The following FMNL3 variants were observed in gnomAD, a reference collection of about 807,000 sequenced individuals.
The protein encoded by FMNL3 is formin-like protein 3.
A neutral mutation model predicts 119.6 loss-of-function variants in FMNL3; 57 were observed. That is an observed-to-expected ratio of 0.48 (90% CI 0.39 to 0.59). The LOEUF is 0.59. Ranked by LOEUF, FMNL3 falls within the 20% of genes least tolerant of loss-of-function variation. The probability of loss-of-function intolerance (pLI) is 0.00; values close to 1 mark genes in which losing one functional copy is unlikely to be tolerated. For missense variants in FMNL3, 1,053 were observed against 1,323.5 expected (o/e 0.80, Z 3.17); for synonymous variants, 491 against 507.3 (o/e 0.97, Z 0.43).
intron 25 of FMNL3, 66 bp downstream of exon 25, chr12:49,646,820 G>A: frequency 1.2e-6 from 2 of 1,607,918 alleles, no homozygotes; most frequent in Non-Finnish European, 1.7e-6. Context: ...AGAGCCCAAA[G>A]GGGTTAGGTT....
intron 25 of FMNL3, among the ~76,000 whole-genome samples, chr12:49,646,284 A>G (rs1312219631): frequency 9.8e-5 from 15 of 152,296 alleles, no homozygotes; most frequent in African/African-American, 3.6e-4. Flanking sequence ...AACCGTAGGG[A>G]AAGGTTCCTT....
Position 49,647,220 on chromosome 12 carries a change from A to G in FMNL3, c.2871+56T>C. Reference sequence around the variant, plus strand: ...CATCTCCTCTAGCCTTCTGACCCCCAGCCCCCACTCTTTTGCCTTGTCGTC... The same window carrying G: ...CATCTCCTCTAGCCTTCTGACCCCCGGCCCCCACTCTTTTGCCTTGTCGTC... On this transcript the variant is annotated intron_variant, in intron 24 of 25. Coordinates refer to ENST00000335154, the MANE Select transcript of FMNL3 (RefSeq NM_175736.5). This position sits in a 1 kb window ranked among gnomAD's most constrained non-coding sequence, Gnocchi z 4.9. 6.2e-7 allele frequency: 1 copy of G among 1,601,308 alleles called. No individual in the cohort carries two copies. Among genetic ancestry groups the G allele is most frequent in the Non-Finnish European group, 8.6e-7 (1 of 1,169,264 alleles).
intron 1 of FMNL3, among the ~76,000 whole-genome samples, chr12:49,689,585 A>G (rs2138993824): frequency 6.6e-6 from 1 of 152,364 alleles, no homozygotes; most frequent in Non-Finnish European, 1.5e-5. Context: ...AAAAGTAAGA[A>G]GCACAACTGT....
At position 49,647,366 on chromosome 12, in the gene FMNL3, T is replaced by C. The variant is rs1479317621; in HGVS notation, c.2781A>G (p.Glu927=). 2.5e-6 allele frequency: 4 copies of C among 1,611,852 alleles called. No individual in the cohort carries two copies. In the Admixed American group the frequency reaches 6.7e-5, roughly 27 times the overall value. ...VFVRFIRSYK[E]AEQENEARKK... Reference sequence around the variant, plus strand: ...TGCGGGCTTCATTCTCTTGTTCTGCTTCCTAAGAGCCATGGAAGATGGGGG... The same window carrying C: ...TGCGGGCTTCATTCTCTTGTTCTGCCTCCTAAGAGCCATGGAAGATGGGGG... The change falls in exon 24 of 26, where the codon GAA becomes GAG. Residue 927 remains glutamate, a splice_region_variant and synonymous_variant. Transcript: ENST00000335154. The surrounding 1 kb of genome is among the most constrained non-coding windows in gnomAD (Gnocchi z 4.9).
At chr12:49,674,244 C>T (rs939165440) in intron 1 of FMNL3, among the ~76,000 whole-genome samples, 2 of 152,184 alleles carry the variant, frequency 1.3e-5, no homozygotes, top group Admixed American at 1.3e-4. Flanking sequence ...ATGAAAGGTT[C>T]TGGGCAAAGA....
chr12:49,657,266 G>T, intron 6 of FMNL3, 76 bp from the exon 7 acceptor site: 1 of 1,170,490 alleles, frequency 8.5e-7, no homozygotes, highest in Non-Finnish European at 1.3e-6. Context: ...ACCATCACCC[G>T]GACAGCAGGC....
intron 1 of FMNL3, among the ~76,000 whole-genome samples, chr12:49,675,401 T>A (rs1944159001): frequency 6.6e-6 from 1 of 151,868 alleles, no homozygotes; most frequent in African/African-American, 2.4e-5. Flanking sequence ...AGCCAAGGAG[T>A]CTTGGGGCAG....
At chr12:49,701,676 C>T (rs7299002) in intron 1 of FMNL3, among the ~76,000 whole-genome samples, 28,362 of 152,070 alleles carry the variant, frequency 0.19, 4,030 homozygotes, top group African/African-American at 0.41. Flanking sequence ...AATCCCAGCA[C>T]TTTGGGAGGC....
chr12:49,642,361 G>A lies in FMNL3; in HGVS notation c.*3454C>T, dbSNP rs1217941269. 5 of 1,613,724 alleles carry A rather than the reference G, an allele frequency of 3.1e-6. No homozygotes were observed. The highest frequency in any genetic ancestry group is 1.3e-5 in the African/African-American group (1 of 74,940). ...TGTGCCTGCTCTGGAGCTAGGCACT[G>A]CCTGGGAAGAGGTCAGGAGCGTAGC... is the stretch of plus-strand genomic sequence containing the variant. On this transcript the variant is annotated 3_prime_UTR_variant, in exon 26 of 26. Coordinates refer to ENST00000335154, the MANE Select transcript of FMNL3 (RefSeq NM_175736.5). The surrounding 1 kb of genome is among the most constrained non-coding windows in gnomAD (Gnocchi z 5.8).
Position 49,650,656 on chromosome 12 carries a change from C to T in FMNL3, c.2000+20G>A. On this transcript the variant is annotated intron_variant, in intron 17 of 25. Coordinates refer to ENST00000335154, the MANE Select transcript of FMNL3 (RefSeq NM_175736.5). Reference sequence around the variant, plus strand: ...TTGCCAACAGACTAGGGACCAGAGCCAGGTCAGTGGGAGCCTCACGTATGA... The same window carrying T: ...TTGCCAACAGACTAGGGACCAGAGCTAGGTCAGTGGGAGCCTCACGTATGA... The T allele has an allele frequency of 6.2e-7, 1 of 1,611,904 alleles. No individual in the cohort carries two copies. The highest frequency in any genetic ancestry group is 1.1e-5 in the South Asian group (1 of 91,002).
intron 3 of FMNL3, 82 bp from the exon 4 acceptor site, chr12:49,665,990 C>T (rs1446524670): frequency 9.0e-6 from 14 of 1,554,706 alleles, no homozygotes; most frequent in African/African-American, 1.4e-5. Context: ...CATTCCAGGC[C>T]CTTGGCCACA....
At position 49,638,931 on chromosome 12, in the gene FMNL3, A is replaced by C. The variant is rs548578177; in HGVS notation, c.*6884T>G. ...CTTTGAAGTACTGTTTTGCCTTACAAATTCACGTAGGTGTTGCATTTTAAC... is the reference window on the plus strand; with the variant it reads ...CTTTGAAGTACTGTTTTGCCTTACACATTCACGTAGGTGTTGCATTTTAAC... On this transcript the variant is annotated 3_prime_UTR_variant, in exon 26 of 26. Transcript: ENST00000335154. 1 of 152,232 alleles carries C rather than the reference A, an allele frequency of 6.6e-6. No homozygotes were observed. The highest frequency in any genetic ancestry group is 2.4e-5 in the African/African-American group (1 of 41,458). The allele number at this position is 152,232 out of a possible 1,614,324, so 9.4% of individuals were successfully genotyped here.
intron 4 of FMNL3, among the ~76,000 whole-genome samples, chr12:49,664,939 G>A (rs1214689511): frequency 6.6e-6 from 1 of 151,642 alleles, no homozygotes; most frequent in Non-Finnish European, 1.5e-5. Flanking sequence ...CCCCCACCTG[G>A]GCCTCCACTG....
At chr12:49,688,009 T>C (rs1418654123) in intron 1 of FMNL3, among the ~76,000 whole-genome samples, 2 of 152,224 alleles carry the variant, frequency 1.3e-5, no homozygotes, top group African/African-American at 4.8e-5. Context: ...CCAGAACCTC[T>C]GCAAATTAAA....
chr12:49,704,201 C>T (rs1435682694), intron 1 of FMNL3, among the ~76,000 whole-genome samples: 2 of 152,096 alleles, frequency 1.3e-5, no homozygotes, highest in African/African-American at 4.8e-5. Flanking sequence ...TGCTTGAGGT[C>T]AAACACTCTT....
Position 49,649,740 on chromosome 12 carries a change from C to A in FMNL3, c.2186G>T (p.Gly729Val). ...CTGGAAGTTCCCCAGGAAGGCCATG[C>A]CAGCCATTCGCTGGGTCAACCGTTC... ...KVERLTQRMAGMAFLGNFQDN... is the reference protein window; with the variant it reads ...KVERLTQRMAVMAFLGNFQDN... The change falls in exon 18 of 26, where the codon GGC (glycine) becomes GTC (valine). Residue 729 changes from glycine to valine, a missense_variant. Gly to Val is a moderately radical substitution (Grantham distance 109). Transcript: ENST00000335154. The surrounding 1 kb of genome is among the most constrained non-coding windows in gnomAD (Gnocchi z 5.6). 1 of 1,614,198 alleles carries A rather than the reference C, an allele frequency of 6.2e-7. No individual in the cohort carries two copies. The highest frequency in any genetic ancestry group is 8.5e-7 in the Non-Finnish European group (1 of 1,180,034).
Position 49,643,231 on chromosome 12 carries a change from G to C in FMNL3, c.*2584C>G, listed in dbSNP as rs1946295667. ...TCTGCTGATCTGCCCAGGGCTCTGA[G>C]TCAGAAGAAGAGGAGCTGCCCCCAC... On this transcript the variant is annotated 3_prime_UTR_variant, in exon 26 of 26. Coordinates refer to ENST00000335154, the MANE Select transcript of FMNL3 (RefSeq NM_175736.5). The C allele has an allele frequency of 5.0e-6, 8 of 1,613,986 alleles. No individual in the cohort carries two copies. Among genetic ancestry groups the C allele is most frequent in the Non-Finnish European group, 6.8e-6 (8 of 1,180,026 alleles).
intron 1 of FMNL3, among the ~76,000 whole-genome samples, chr12:49,705,900 G>A (rs1397220117): frequency 2.0e-5 from 3 of 152,200 alleles, no homozygotes. Context: ...CAGCTCCACT[G>A]TTGCCAACAG....
chr12:49,656,900 C>G lies in FMNL3; in HGVS notation c.715-1G>C. On this transcript the variant is annotated splice_acceptor_variant, in intron 7 of 25. Coordinates refer to ENST00000335154, the MANE Select transcript of FMNL3 (RefSeq NM_175736.5). LOFTEE classifies it high-confidence loss of function. ...GGGACATGACCAGGTTGAATCCGTA[C>G]TGCAAGGGAAAGGACAGAAGGAGGG... 6.2e-7 allele frequency: 1 copy of G among 1,613,748 alleles called. No individual in the cohort carries two copies. The highest frequency in any genetic ancestry group is 8.5e-7 in the Non-Finnish European group (1 of 1,179,674).
Sources: allele counts gnomAD v4.1 joint callset (sites outside exome capture counted in the v4.1 genomes callset), GRCh38; gene constraint gnomAD v4.1.1; non-coding constraint Gnocchi (gnomAD v3.1); transcripts MANE v1.5; gene names NCBI Gene and HGNC (gene_info 2026-07-23, HGNC 2026-07-21).